TIAM1: variants seen among roughly 807,000 people sequenced by gnomAD.
TIAM1 encodes rho guanine nucleotide exchange factor TIAM1.
In TIAM1, 65 loss-of-function variants were observed where a neutral mutation model predicts 163.5. That is an observed-to-expected ratio of 0.40 (90% CI 0.33 to 0.49). The LOEUF is 0.49. TIAM1 is among the 20% of genes least tolerant of loss of function. TIAM1 has a pLI of 0.77. For missense variants in TIAM1, 1,789 were observed against 2,044.7 expected, an observed-to-expected ratio of 0.87 and a Z score of 2.41; for synonymous variants, 833 against 810.1, an observed-to-expected ratio of 1.03 and a Z score of -0.48.
At chr21:31,537,578 C>T (rs2048180107) in intron 1 of TIAM1, among the ~76,000 whole-genome samples, 1 of 151,932 alleles carries the variant, frequency 6.6e-6, no homozygotes, top group Non-Finnish European at 1.5e-5. Flanking sequence ...ATGATGAAAC[C>T]CTGTCTCTAC....
In TIAM1 at chr21:31,413,565, C is replaced by T. The variant is rs548958584; in HGVS notation, c.-369+50418G>A. On this transcript the variant is annotated intron_variant, in intron 2 of 28. Transcript: ENST00000286827. ...GATTATAGGCATGAGCCACCACGCC[C>T]GGCCCTCTTTCTGCATATTTCATTG... Among the ~76,000 whole-genome samples the T allele has an allele frequency of 1.7e-4, 26 of 152,198 alleles. No homozygotes were observed. The East Asian group carries it at 3.3e-3, about 19-fold the overall frequency.
chr21:31,158,414 C>G (rs529139113), intron 16 of TIAM1, among the ~76,000 whole-genome samples: 28 of 152,218 alleles, frequency 1.8e-4, no homozygotes, highest in Non-Finnish European at 3.8e-4. Flanking sequence ...AAAGCAGTTT[C>G]CCCACCGGCA....
Position 31,469,099 on chromosome 21 carries a change from T to C in TIAM1, c.-421-5064A>G, listed in dbSNP as rs550616395. Among the ~76,000 whole-genome samples, 66 of 139,874 alleles carry C rather than the reference T, an allele frequency of 4.7e-4. 1 individual carries two copies. In the East Asian group the frequency reaches 0.013, roughly 27 times the overall value. The allele number at this position is 139,874 out of a possible 152,430, so 91.8% of individuals were successfully genotyped here. On this transcript the variant is annotated intron_variant, in intron 1 of 28. Coordinates refer to the TIAM1 transcript ENST00000286827. Reference sequence around the variant, plus strand: ...AATCCCTTTTTTTTTTTTTTTTTTTTTGAGACAGGGTCTCATTCTGTCACC... The same window carrying C: ...AATCCCTTTTTTTTTTTTTTTTTTTCTGAGACAGGGTCTCATTCTGTCACC...
In TIAM1 at chr21:31,160,372, A is replaced by G. The variant is rs1309569022; in HGVS notation, c.2991+4590T>C. 4.8e-5 allele frequency: 19 copies of G among 398,424 alleles called. No homozygotes were observed. The East Asian group carries it at 5.0e-4, about 10-fold the overall frequency. 24.7% of individuals were successfully genotyped at this position (398,424 alleles called of 1,614,324 possible). ...GTGTAATCACTGTCATTCGGATTGAAAAACAACTGAGCTAGAAAGTCATAA... is the reference window on the plus strand; with the variant it reads ...GTGTAATCACTGTCATTCGGATTGAGAAACAACTGAGCTAGAAAGTCATAA... On this transcript the variant is annotated intron_variant, in intron 16 of 27. Transcript: ENST00000541036.
chr21:31,436,627 G>A lies in TIAM1; in HGVS notation c.-369+27356C>T, dbSNP rs771246444. On this transcript the variant is annotated intron_variant, in intron 2 of 28. Transcript: ENST00000286827. The stretch of plus-strand genomic sequence containing the variant: ...CACCCTGGGTGACAGAGCGAGACTC[G>A]GTCTCAAATAAAAATAAATAAATTA... 6.0e-5 allele frequency among the ~76,000 whole-genome samples: 9 copies of A among 150,988 alleles called. No individual in the cohort carries two copies. In the South Asian group the frequency reaches 6.3e-4, roughly 11 times the overall value.
chr21:31,228,242 A>AT (rs1569068886), intron 6 of TIAM1, among the ~76,000 whole-genome samples: 7 of 50,714 alleles, frequency 1.4e-4, no homozygotes, highest in African/African-American at 2.7e-4. Context: ...AAAAAAAAAA[A>AT]AAAAAAAAAA....
intron 12 of TIAM1, 93 bp from the exon 13 acceptor site, chr21:31,195,398 A>T: frequency 3.4e-6 from 3 of 882,240 alleles, no homozygotes; most frequent in Non-Finnish European, 5.2e-6. Context: ...TTCACAATTG[A>T]TACTTACGTG....
At chr21:31,488,204 G>A (rs756226078) in intron 1 of TIAM1, among the ~76,000 whole-genome samples, 1 of 152,266 alleles carries the variant, frequency 6.6e-6, no homozygotes, top group Admixed American at 6.5e-5. Flanking sequence ...CTATGCCGAC[G>A]CTGGGCACAG....
intron 27 of TIAM1, among the ~76,000 whole-genome samples, chr21:31,122,708 G>C (rs914830748): frequency 6.6e-6 from 1 of 152,158 alleles, no homozygotes; most frequent in African/African-American, 2.4e-5. Context: ...CAGAGTATTT[G>C]GCTTTACTAT....
chr21:31,550,132 A>G (rs2048633741), intron 1 of TIAM1, among the ~76,000 whole-genome samples: 1 of 152,342 alleles, frequency 6.6e-6, no homozygotes, highest in African/African-American at 2.4e-5. Context: ...TCAAAAGAAA[A>G]AAAAAAAGAA....
intron 1 of TIAM1, among the ~76,000 whole-genome samples, chr21:31,498,683 C>T (rs553286097): frequency 1.2e-4 from 18 of 152,300 alleles, no homozygotes; most frequent in South Asian, 2.1e-4. Context: ...CGGTGGCTCA[C>T]GCCTGTACTG....
intron 16 of TIAM1, 92 bp downstream of exon 16, chr21:31,164,870 C>G: frequency 7.7e-7 from 1 of 1,295,256 alleles, no homozygotes; most frequent in East Asian, 2.4e-5. Flanking sequence ...CATGGAGAGG[C>G]CTGGTAACCA....
intron 14 of TIAM1, among the ~76,000 whole-genome samples, chr21:31,185,490 ATT>A (rs1401203968): frequency 4.2e-5 from 6 of 144,138 alleles, no homozygotes; most frequent in Non-Finnish European, 6.0e-5. Flanking sequence ...ATATTTATAT[ATT>A]ATATGCTTAT....
In TIAM1 at chr21:31,251,891, C is replaced by T; in HGVS notation, c.1262G>A (p.Gly421Asp). Reference protein sequence around the residue: ...EQSSGTLSSPGQSDILLTAAQ... With the variant: ...EQSSGTLSSPDQSDILLTAAQ... ...GGCGGTCAGCAGGATGTCCGACTGG[C>T]CCGGAGAGCTCAGGGTGCCGCTGCT... The change falls in exon 5 of 28, where the codon GGC (glycine) becomes GAC (aspartate). Residue 421 changes from glycine to aspartate, a missense_variant. Transcript: ENST00000541036. 6.2e-7 allele frequency: 1 copy of T among 1,613,832 alleles called. No individual in the cohort carries two copies. The highest frequency in any genetic ancestry group is 8.5e-7 in the Non-Finnish European group (1 of 1,179,918).
chr21:31,228,243 A>ATCTGATAAGGATTTTTCCTTT (rs1569068912), intron 6 of TIAM1, among the ~76,000 whole-genome samples: 1 of 51,770 alleles, frequency 1.9e-5, no homozygotes, highest in African/African-American at 4.2e-5. Flanking sequence ...AAAAAAAAAA[A>ATCTGATAAGGATTTTTCCTTT]AAAAAAAAAA....
At chr21:31,358,389 C>T (rs899650399) in intron 2 of TIAM1, among the ~76,000 whole-genome samples, 23 of 152,092 alleles carry the variant, frequency 1.5e-4, no homozygotes, top group Admixed American at 5.9e-4. Flanking sequence ...TGGAGATCCC[C>T]TCCGGTCTCA....
At chr21:31,285,249 G>A (rs1328712055) in intron 2 of TIAM1, among the ~76,000 whole-genome samples, 1 of 152,164 alleles carries the variant, frequency 6.6e-6, no homozygotes, top group Non-Finnish European at 1.5e-5. Flanking sequence ...GGCCACTCTG[G>A]AATCAGGGAA....
intron 1 of TIAM1, among the ~76,000 whole-genome samples, chr21:31,476,406 C>T (rs1225291270): frequency 6.6e-6 from 1 of 152,146 alleles, no homozygotes; most frequent in Non-Finnish European, 1.5e-5. Flanking sequence ...GGGCTTGGGC[C>T]ATTTCAGGAA....
intron 2 of TIAM1, among the ~76,000 whole-genome samples, chr21:31,455,394 G>A (rs1272203498): frequency 1.3e-5 from 2 of 150,154 alleles, no homozygotes; most frequent in African/African-American, 4.9e-5. Flanking sequence ...GGCAATATGA[G>A]TATCAAAATA....
Sources: allele counts gnomAD v4.1 joint callset (sites outside exome capture counted in the v4.1 genomes callset), GRCh38; gene constraint gnomAD v4.1.1; transcripts MANE v1.5; gene names NCBI Gene and HGNC (gene_info 2026-07-23, HGNC 2026-07-21).